Variants in MACROD2 observed in about 807,000 individuals in gnomAD.
MACROD2 encodes the protein mono-ADP ribosylhydrolase 2.
MACROD2 carries 36 observed loss-of-function variants against 70.4 expected under a neutral mutation model. The observed-to-expected ratio is 0.51, with a 90% confidence interval of 0.39 to 0.68. MACROD2 has a LOEUF of 0.68. MACROD2 is among the 30% of genes least tolerant of loss of function. MACROD2 has a pLI of 0.00. For synonymous variants in MACROD2, 172 were observed against 178.8 expected (o/e 0.96, Z 0.30); for missense variants, 496 against 538.4 (o/e 0.92, Z 0.78).
chr20:15,038,486 C>T (rs962811790), intron 5 of MACROD2, among the ~76,000 whole-genome samples: 8 of 152,160 alleles, frequency 5.3e-5, no homozygotes, highest in African/African-American at 1.4e-4. Context: ...TGCTCTGTTT[C>T]TGGCCCCTGT....
At chr20:14,403,039 T>G (rs1439667677) in intron 3 of MACROD2, among the ~76,000 whole-genome samples, 1 of 152,200 alleles carries the variant, frequency 6.6e-6, no homozygotes, top group Non-Finnish European at 1.5e-5. Flanking sequence ...ATTATTTCCT[T>G]GTCTTATTTA....
At chr20:15,016,232 GA>G (rs2075120129) in intron 5 of MACROD2, among the ~76,000 whole-genome samples, 1 of 152,170 alleles carries the variant, frequency 6.6e-6, no homozygotes, top group Non-Finnish European at 1.5e-5. Context: ...GTCATGAAAA[GA>G]AATGATGAAA....
intron 3 of MACROD2, among the ~76,000 whole-genome samples, chr20:14,352,109 G>T (rs141378568): frequency 6.6e-6 from 1 of 152,152 alleles, no homozygotes; most frequent in Non-Finnish European, 1.5e-5. Flanking sequence ...TTTTCAATAA[G>T]TTGTTTAATG....
intron 5 of MACROD2, among the ~76,000 whole-genome samples, chr20:14,988,200 C>CA: frequency 6.6e-6 from 1 of 151,664 alleles, no homozygotes; most frequent in Non-Finnish European, 1.5e-5. Context: ...CCCGTCTCTA[C>CA]AAAAAATACA....
chr20:15,671,389 C>T (rs1289416772), intron 8 of MACROD2, among the ~76,000 whole-genome samples: 1 of 152,034 alleles, frequency 6.6e-6, no homozygotes, highest in Non-Finnish European at 1.5e-5. Flanking sequence ...TCTCTGACAC[C>T]ACATGGCAAA....
intron 5 of MACROD2, among the ~76,000 whole-genome samples, chr20:15,006,029 A>G (rs2075033110): frequency 6.6e-6 from 1 of 152,068 alleles, no homozygotes; most frequent in African/African-American, 2.4e-5. Flanking sequence ...TATAAACACA[A>G]TAGTTGCATT....
intron 2 of MACROD2, among the ~76,000 whole-genome samples, chr20:14,016,415 T>A (rs1228886377): frequency 2.0e-5 from 3 of 152,176 alleles, no homozygotes; most frequent in Admixed American, 6.5e-5. Flanking sequence ...TTAATTTTGA[T>A]GAAGTCCAGT....
Position 15,538,856 on chromosome 20 carries a change from TA to T in MACROD2, c.645+39010del, listed in dbSNP as rs74186111. On this transcript the variant is annotated intron_variant, in intron 8 of 17. Transcript: ENST00000684519. ...TAAATAATATAGCACTCTTATTGGATAGCAATGGATTAAATGGGTATTTGCT... is the reference window on the plus strand; with the variant it reads ...TAAATAATATAGCACTCTTATTGGATGCAATGGATTAAATGGGTATTTGCT... 3.2e-3 allele frequency among the ~76,000 whole-genome samples: 494 copies of T among 152,242 alleles called. 7 individuals carry two copies. In the East Asian group the frequency reaches 0.033, roughly 10 times the overall value.
chr20:15,357,049 A>T (rs566891619), intron 6 of MACROD2, among the ~76,000 whole-genome samples: 230 of 152,296 alleles, frequency 1.5e-3, no homozygotes, highest in Non-Finnish European at 2.6e-3. Flanking sequence ...TGAGCTAGTG[A>T]CTATCCAATT....
At chr20:15,079,514 G>A (rs2075686304) in intron 5 of MACROD2, among the ~76,000 whole-genome samples, 1 of 151,978 alleles carries the variant, frequency 6.6e-6, no homozygotes, top group African/African-American at 2.4e-5. Flanking sequence ...CTCCTTCCCT[G>A]AATCCAAGAA....
intron 6 of MACROD2, among the ~76,000 whole-genome samples, chr20:15,403,864 C>T (rs1352496749): frequency 6.6e-6 from 1 of 152,126 alleles, no homozygotes; most frequent in African/African-American, 2.4e-5. Context: ...ATGTCTTCAA[C>T]CGTTATGGGA....
intron 2 of MACROD2, among the ~76,000 whole-genome samples, chr20:14,067,488 C>T (rs1280054542): frequency 3.3e-5 from 5 of 152,130 alleles, no homozygotes; most frequent in Non-Finnish European, 7.4e-5. Flanking sequence ...GTACATTTTA[C>T]TAAAAGGGCA....
In MACROD2 at chr20:14,317,347, C is replaced by T. The variant is rs1011960420; in HGVS notation, c.272-176132C>T. On this transcript the variant is annotated intron_variant, in intron 3 of 17. Coordinates refer to ENST00000684519, the MANE Select transcript of MACROD2 (RefSeq NM_001351661.2). ...TAATATCTGGATTCCTGGGTGGGCA[C>T]GGTGACTAATGCCTGTAATCCCAGC... Among the ~76,000 whole-genome samples, 11 of 152,170 alleles carry T rather than the reference C, an allele frequency of 7.2e-5. No individual in the cohort carries two copies. In the South Asian group the frequency reaches 1.0e-3, roughly 14 times the overall value.
At chr20:15,825,582 T>TC (rs1303318333) in intron 8 of MACROD2, among the ~76,000 whole-genome samples, 1 of 151,834 alleles carries the variant, frequency 6.6e-6, no homozygotes, top group Non-Finnish European at 1.5e-5. Context: ...CACTGCAAGC[T>TC]CCGCCTCCTG....
intron 13 of MACROD2, among the ~76,000 whole-genome samples, chr20:15,983,844 A>C (rs532349523): frequency 5.3e-5 from 8 of 152,324 alleles, no homozygotes; most frequent in East Asian, 1.9e-4. Flanking sequence ...ATGCTGTCTT[A>C]ATTGCCAAAG....
chr20:15,312,021 A>T (rs567829178), intron 6 of MACROD2, among the ~76,000 whole-genome samples: 2 of 152,316 alleles, frequency 1.3e-5, no homozygotes, highest in South Asian at 4.1e-4. Flanking sequence ...ATATCATCAA[A>T]TAATCTAAAT....
At chr20:15,868,089 G>A (rs2064519347) in intron 9 of MACROD2, among the ~76,000 whole-genome samples, 1 of 152,188 alleles carries the variant, frequency 6.6e-6, no homozygotes, top group South Asian at 2.1e-4. Flanking sequence ...TAGTGCAGAG[G>A]TTGAGAGGCT....
At chr20:14,678,602 T>C (rs555968510) in intron 4 of MACROD2, among the ~76,000 whole-genome samples, 1 of 152,200 alleles carries the variant, frequency 6.6e-6, no homozygotes, top group South Asian at 2.1e-4. Flanking sequence ...GGTGATTAGG[T>C]TTAGATGATC....
At chr20:15,245,821 C>G (rs2077100302) in intron 6 of MACROD2, among the ~76,000 whole-genome samples, 1 of 152,148 alleles carries the variant, frequency 6.6e-6, no homozygotes, top group South Asian at 2.1e-4. Flanking sequence ...AATGCATTTT[C>G]AACTTACCAT....
Sources: gnomAD v4.1 joint callset for allele counts (sites outside exome capture counted in the v4.1 genomes callset) on GRCh38, gnomAD v4.1.1 for gene constraint, MANE v1.5 for transcripts, NCBI Gene and HGNC (gene_info 2026-07-23, HGNC 2026-07-21) for gene names.